Variants in PLD5 observed in about 807,000 individuals in gnomAD.
PLD5 encodes the protein phospholipase D family member 5.
A neutral mutation model predicts 61.1 loss-of-function variants in PLD5; 36 were observed. The ratio of observed to expected loss-of-function variants is 0.59; its 90% CI spans 0.45 to 0.78. The LOEUF (loss-of-function observed/expected upper bound fraction) is 0.78, where lower values mean the gene tolerates loss of function less well. Among genes scored for constraint, PLD5 ranks in the 30% least tolerant of loss-of-function variants. PLD5 has a pLI of 0.00. For missense variants in PLD5, 515 were observed against 644.4 expected, an observed-to-expected ratio of 0.80 and a Z score of 2.17; for synonymous variants, 243 against 242.8, an observed-to-expected ratio of 1.00 and a Z score of -0.01.
intron 5 of PLD5, among the ~76,000 whole-genome samples, chr1:242,209,923 T>C (rs1467563753): frequency 6.6e-6 from 1 of 152,150 alleles, no homozygotes; most frequent in Non-Finnish European, 1.5e-5. Context: ...ATCTCCTGAG[T>C]AGCTGGGATT....
intron 1 of PLD5, among the ~76,000 whole-genome samples, chr1:242,376,287 G>A (rs532949143): frequency 2.6e-5 from 4 of 152,058 alleles, no homozygotes; most frequent in Admixed American, 6.6e-5. Flanking sequence ...GCTGGGAAAC[G>A]AGCAACCTGC....
intron 9 of PLD5, among the ~76,000 whole-genome samples, chr1:242,095,315 C>T (rs1006931742): frequency 6.6e-6 from 1 of 152,190 alleles, no homozygotes; most frequent in Non-Finnish European, 1.5e-5. Flanking sequence ...TTACTGCAGC[C>T]TCTGTCTCCC....
chr1:242,438,301 T>C (rs913562347), intron 1 of PLD5, among the ~76,000 whole-genome samples: 1 of 151,332 alleles, frequency 6.6e-6, no homozygotes, highest in African/African-American at 2.4e-5. Context: ...TCTCTCTCTG[T>C]TGCCCTGGCT....
Position 242,089,113 on chromosome 1 carries a change from A to G in PLD5, c.*741T>C. 2.6e-6 allele frequency: 1 copy of G among 387,238 alleles called. No homozygotes were observed. The highest frequency in any genetic ancestry group is 4.6e-6 in the Non-Finnish European group (1 of 219,192). 24.0% of individuals were successfully genotyped at this position (387,238 alleles called of 1,614,324 possible). ...TTAAATACCAATTCGGTAGGGGAAAAAAGGATTCAGTTGAAAGGTGAAAAT... is the reference window on the plus strand; with the variant it reads ...TTAAATACCAATTCGGTAGGGGAAAGAAGGATTCAGTTGAAAGGTGAAAAT... On this transcript the variant is annotated 3_prime_UTR_variant, in exon 10 of 10. Coordinates refer to ENST00000536534, the MANE Select transcript of PLD5 (RefSeq NM_001372062.1).
intron 5 of PLD5, among the ~76,000 whole-genome samples, chr1:242,207,991 T>TACACAC (rs34110062): frequency 0.27 from 10,676 of 40,244 alleles, 3,180 homozygotes; most frequent in Admixed American, 0.34. Context: ...TATATATTTA[T>TACACAC]ACACACACAC....
chr1:242,401,525 C>T (rs1403124690), intron 1 of PLD5, among the ~76,000 whole-genome samples: 1 of 152,164 alleles, frequency 6.6e-6, no homozygotes, highest in African/African-American at 2.4e-5. Flanking sequence ...CTCTCCAAGC[C>T]CACATCCTGT....
chr1:242,138,746 A>G (rs974654365), intron 5 of PLD5, among the ~76,000 whole-genome samples: 4 of 152,170 alleles, frequency 2.6e-5, no homozygotes, highest in African/African-American at 7.2e-5. Context: ...CAATTACTCC[A>G]TTGCTGGAAT....
At chr1:242,377,889 G>A (rs1662055745) in intron 1 of PLD5, among the ~76,000 whole-genome samples, 1 of 152,210 alleles carries the variant, frequency 6.6e-6, no homozygotes, top group Non-Finnish European at 1.5e-5. Context: ...AGGAGGTGGA[G>A]AAATCGGAAC....
chr1:242,151,700 A>C (rs1372117744), intron 5 of PLD5, among the ~76,000 whole-genome samples: 1 of 152,080 alleles, frequency 6.6e-6, no homozygotes, highest in Non-Finnish European at 1.5e-5. Flanking sequence ...TTTGCTGTCC[A>C]TCATTAATTT....
intron 1 of PLD5, among the ~76,000 whole-genome samples, chr1:242,481,010 T>G (rs1387838152): frequency 3.9e-5 from 6 of 152,186 alleles, no homozygotes; most frequent in Non-Finnish European, 7.3e-5. Flanking sequence ...TAGTACCCAG[T>G]GATTCTAATC....
intron 5 of PLD5, among the ~76,000 whole-genome samples, chr1:242,178,864 C>T (rs1667341267): frequency 6.6e-6 from 1 of 152,206 alleles, no homozygotes; most frequent in Admixed American, 6.5e-5. Context: ...TTACATTCTA[C>T]TCCAGTGCAA....
chr1:242,407,727 T>TGCCA (rs1664321550), intron 1 of PLD5, among the ~76,000 whole-genome samples: 1 of 151,952 alleles, frequency 6.6e-6, no homozygotes, highest in African/African-American at 2.4e-5. Flanking sequence ...TATAGGTGCG[T>TGCCA]GCCACCACAC....
chr1:242,395,279 C>T (rs530615891), intron 1 of PLD5, among the ~76,000 whole-genome samples: 7 of 152,080 alleles, frequency 4.6e-5, no homozygotes, highest in South Asian at 4.1e-4. Context: ...TTAGGTACTA[C>T]GCCTTCCTTA....
intron 1 of PLD5, among the ~76,000 whole-genome samples, chr1:242,418,424 T>C (rs1462840134): frequency 1.3e-5 from 2 of 152,102 alleles, no homozygotes; most frequent in African/African-American, 4.8e-5. Flanking sequence ...CTAAAGGTAA[T>C]AAATGTTGGA....
intron 5 of PLD5, among the ~76,000 whole-genome samples, chr1:242,173,808 T>G (rs1574450963): frequency 6.6e-6 from 1 of 152,172 alleles, no homozygotes; most frequent in Non-Finnish European, 1.5e-5. Context: ...AAGGATTCCC[T>G]ATTTAATAAA....
intron 2 of PLD5, among the ~76,000 whole-genome samples, chr1:242,336,060 A>G (rs1056509267): frequency 2.6e-5 from 4 of 152,178 alleles, no homozygotes; most frequent in African/African-American, 9.7e-5. Context: ...TGAAGAAGTA[A>G]ACATGTCTCA....
chr1:242,353,275 G>A (rs1193494881), intron 1 of PLD5, among the ~76,000 whole-genome samples: 1 of 152,056 alleles, frequency 6.6e-6, no homozygotes, highest in Non-Finnish European at 1.5e-5. Flanking sequence ...TGAAGACAGT[G>A]CTCTTTTTCC....
intron 1 of PLD5, among the ~76,000 whole-genome samples, chr1:242,360,558 TA>T (rs1207684297): frequency 6.6e-6 from 1 of 152,168 alleles, no homozygotes; most frequent in Non-Finnish European, 1.5e-5. Context: ...AACTGCCATT[TA>T]TATTTCATTC....
intron 3 of PLD5, among the ~76,000 whole-genome samples, chr1:242,286,566 C>G (rs1358299402): frequency 6.6e-6 from 1 of 152,116 alleles, no homozygotes. Context: ...TATACCCCTT[C>G]TATATCTCCT....
Sources: gnomAD v4.1 joint callset for allele counts (sites outside exome capture counted in the v4.1 genomes callset) on GRCh38, gnomAD v4.1.1 for gene constraint, MANE v1.5 for transcripts, NCBI Gene and HGNC (gene_info 2026-07-23, HGNC 2026-07-21) for gene names.